Variants in WDR89 observed in about 807,000 individuals in gnomAD.
WDR89 encodes the protein WD repeat-containing protein 89.
In WDR89, 17 loss-of-function variants were observed where a neutral mutation model predicts 29.1. The ratio of observed to expected loss-of-function variants is 0.58; its 90% CI spans 0.40 to 0.88. The LOEUF (loss-of-function observed/expected upper bound fraction) is 0.88. Among genes scored for constraint, WDR89 ranks in the 40% least tolerant of loss-of-function variants. The pLI, the probability that WDR89 is intolerant of heterozygous loss-of-function variation, is 0.00. For missense variants in WDR89, 396 were observed against 456.3 expected (o/e 0.87, Z 1.20); for synonymous variants, 138 against 157.8 (o/e 0.87, Z 0.94).
At chr14:63,613,393 T>TA (rs1010580551) in intron 2 of WDR89, among the ~76,000 whole-genome samples, 18 of 152,142 alleles carry the variant, frequency 1.2e-4, no homozygotes, top group African/African-American at 4.3e-4. Context: ...TTAAAAAACT[T>TA]AAAGTAAATT....
intron 1 of WDR89, among the ~76,000 whole-genome samples, chr14:63,628,010 A>G (rs1883177239): frequency 2.0e-5 from 3 of 152,174 alleles, no homozygotes; most frequent in Admixed American, 6.5e-5. Context: ...CTGAAGTGGG[A>G]GGCTCCCTTG....
At chr14:63,605,013 G>A (rs1365634500) in intron 2 of WDR89, among the ~76,000 whole-genome samples, 1 of 152,088 alleles carries the variant, frequency 6.6e-6, no homozygotes, top group Non-Finnish European at 1.5e-5. Context: ...AGCCAGGCAT[G>A]GTGGTGCACG....
chr14:63,633,204 G>A (rs181019958), intron 1 of WDR89, among the ~76,000 whole-genome samples: 36 of 152,058 alleles, frequency 2.4e-4, no homozygotes, highest in African/African-American at 8.0e-4. Flanking sequence ...GTATTTGACA[G>A]GATTTCCACC....
chr14:63,610,941 T>C (rs1881946201), intron 2 of WDR89, among the ~76,000 whole-genome samples: 1 of 151,906 alleles, frequency 6.6e-6, no homozygotes, highest in Admixed American at 6.6e-5. Flanking sequence ...ACCTTGTAAT[T>C]CGCCCGCCTT....
chr14:63,623,703 C>CAAAA lies in WDR89; in HGVS notation c.-32+1221_-32+1224dup, dbSNP rs34839479. Among the ~76,000 whole-genome samples, 46 of 39,084 alleles carry CAAAA rather than the reference C, an allele frequency of 1.2e-3. 4 individuals are homozygous for CAAAA. The highest frequency in any genetic ancestry group is 1.5e-3 in the South Asian group (1 of 678). The allele number at this position is 39,084 out of a possible 152,430, so 25.6% of individuals were successfully genotyped here. On this transcript the variant is annotated intron_variant, in intron 2 of 2. Transcript: ENST00000620954. ...TGGGAGACAGAGTGAGACTCTGTCT[C>CAAAA]AAAAAAAAAAAAAAAAAAAAAAAAA...
intron 2 of WDR89, among the ~76,000 whole-genome samples, chr14:63,618,319 T>G (rs534195359): frequency 1.3e-5 from 2 of 152,278 alleles, no homozygotes; most frequent in Admixed American, 1.3e-4. Flanking sequence ...CATGCCTGGC[T>G]AATTTTTGTA....
intron 2 of WDR89, among the ~76,000 whole-genome samples, chr14:63,615,363 G>C (rs948142390): frequency 6.6e-6 from 1 of 152,058 alleles, no homozygotes; most frequent in Non-Finnish European, 1.5e-5. Flanking sequence ...GAAGCAATTC[G>C]GAATAATCTA....
intron 2 of WDR89, among the ~76,000 whole-genome samples, chr14:63,612,600 C>G (rs1276388461): frequency 1.3e-5 from 2 of 152,222 alleles, no homozygotes; most frequent in South Asian, 2.1e-4. Flanking sequence ...GTCTCAAACT[C>G]CTGACCTCAG....
intron 2 of WDR89, among the ~76,000 whole-genome samples, chr14:63,615,669 G>A (rs901853084): frequency 1.3e-5 from 2 of 152,262 alleles, no homozygotes; most frequent in South Asian, 2.1e-4. Flanking sequence ...GCTCATGCCT[G>A]TAGTCCCAGC....
At chr14:63,611,624 T>C (rs1595023237) in intron 2 of WDR89, among the ~76,000 whole-genome samples, 1 of 152,116 alleles carries the variant, frequency 6.6e-6, no homozygotes, top group African/African-American at 2.4e-5. Context: ...ATGTTAACAT[T>C]AGGGAGGCTG....
chr14:63,640,196 T>C (rs1884010716), intron 1 of WDR89, among the ~76,000 whole-genome samples: 1 of 152,186 alleles, frequency 6.6e-6, no homozygotes, highest in African/African-American at 2.4e-5. Flanking sequence ...GTTACCACTG[T>C]TTTACTCGGC....
intron 1 of WDR89, among the ~76,000 whole-genome samples, chr14:63,633,541 CTATT>C (rs1351115030): frequency 6.6e-6 from 1 of 152,108 alleles, no homozygotes; most frequent in Non-Finnish European, 1.5e-5. Flanking sequence ...GGTTGATTCA[CTATT>C]TAATTTTCCA....
chr14:63,620,365 A>ATG lies in WDR89; in HGVS notation c.-32+4561_-32+4562dup, dbSNP rs533642191. Among the ~76,000 whole-genome samples the ATG allele has an allele frequency of 3.7e-3, 566 of 152,296 alleles. 6 individuals are homozygous for ATG. The highest frequency in any genetic ancestry group is 0.013 in the African/African-American group (546 of 41,560). ...CCAAATACCACATGATCTCATCTAG[A>ATG]TGTGTGTATATATACAAACGTACAT... On this transcript the variant is annotated intron_variant, in intron 2 of 2. Coordinates refer to ENST00000620954, the MANE Select transcript of WDR89 (RefSeq NM_080666.4).
At chr14:63,625,414 T>C (rs1469890689) in intron 1 of WDR89, among the ~76,000 whole-genome samples, 4 of 126,776 alleles carry the variant, frequency 3.2e-5, no homozygotes, top group African/African-American at 8.3e-5. Context: ...TTACAATTCA[T>C]CAAACTACAT....
intron 1 of WDR89, among the ~76,000 whole-genome samples, chr14:63,637,240 A>ATT (rs538859382): frequency 6.6e-6 from 1 of 152,242 alleles, no homozygotes; most frequent in African/African-American, 2.4e-5. Context: ...AAGAATGGCC[A>ATT]TAAGTGAAGA....
chr14:63,612,624 C>T (rs1191002287), intron 2 of WDR89, among the ~76,000 whole-genome samples: 1 of 152,110 alleles, frequency 6.6e-6, no homozygotes, highest in African/African-American at 2.4e-5. Flanking sequence ...ATCCATCCGC[C>T]TCGGCCTCCC....
rs943115200 is a variant in WDR89, at chr14:63,601,512, G to A, written c.-31-1539C>T. ...CGAGTCTGAGGTGGAGGGAGTCATG[G>A]CAGGACAAGCGTTTAAGTTTCTTCC... On this transcript the variant is annotated intron_variant, in intron 2 of 2. Coordinates refer to ENST00000620954, the MANE Select transcript of WDR89 (RefSeq NM_080666.4). 8.2e-6 allele frequency: 12 copies of A among 1,460,278 alleles called. No individual in the cohort carries two copies. In the East Asian group the frequency reaches 2.0e-4, roughly 25 times the overall value. 90.5% of individuals were successfully genotyped at this position (1,460,278 alleles called of 1,614,324 possible). A position where few individuals can be genotyped will look rare whatever the true frequency, so the allele number is the denominator to read the frequency against.
intron 1 of WDR89, among the ~76,000 whole-genome samples, chr14:63,639,835 C>T (rs1029063812): frequency 6.6e-6 from 1 of 151,952 alleles, no homozygotes; most frequent in South Asian, 2.1e-4. Context: ...AAAAACTTCA[C>T]GGGTTTGGCA....
intron 1 of WDR89, among the ~76,000 whole-genome samples, chr14:63,625,626 C>T (rs1417426725): frequency 1.3e-5 from 2 of 152,084 alleles, no homozygotes; most frequent in Non-Finnish European, 2.9e-5. Context: ...AAGGGGCATC[C>T]AAGAGGTTTC....
Sources: allele counts gnomAD v4.1 joint callset (sites outside exome capture counted in the v4.1 genomes callset), GRCh38; gene constraint gnomAD v4.1.1; transcripts MANE v1.5; gene names NCBI Gene and HGNC (gene_info 2026-07-23, HGNC 2026-07-21).